Variants in FHIT observed in about 807,000 individuals in gnomAD.
The protein encoded by FHIT is bis(5'-adenosyl)-triphosphatase.
Under a neutral mutation model 17.9 loss-of-function variants are expected in FHIT, and 19 were observed. The observed-to-expected ratio is 1.06, with a 90% confidence interval of 0.74 to 1.56. The LOEUF (loss-of-function observed/expected upper bound fraction) is 1.56, where lower values mean the gene tolerates loss of function less well. FHIT is among the 40% of genes most tolerant of loss of function. The pLI is 0.00. For synonymous variants in FHIT, 81 were observed against 69.7 expected (o/e 1.16, Z -0.81); for missense variants, 248 against 189.2 (o/e 1.31, Z -1.82).
chr3:60,768,164 T>G (rs1699915699), intron 4 of FHIT, among the ~76,000 whole-genome samples: 1 of 152,132 alleles, frequency 6.6e-6, no homozygotes, highest in Admixed American at 6.5e-5. Context: ...TGGGCAAAAC[T>G]TCAAATAATT....
intron 5 of FHIT, among the ~76,000 whole-genome samples, chr3:60,401,550 C>A (rs974711838): frequency 1.3e-5 from 2 of 152,166 alleles, no homozygotes; most frequent in Non-Finnish European, 2.9e-5. Flanking sequence ...TTATGTGGCT[C>A]TGATAACACA....
chr3:60,051,326 C>CTTTT (rs773498624), intron 5 of FHIT, among the ~76,000 whole-genome samples: 15,784 of 131,648 alleles, frequency 0.12, 1,347 homozygotes, highest in Middle Eastern at 0.25. Context: ...ATTTAGGATG[C>CTTTT]TTTTTTTTTT....
At chr3:60,846,191 A>G (rs1447351176) in intron 3 of FHIT, among the ~76,000 whole-genome samples, 2 of 152,214 alleles carry the variant, frequency 1.3e-5, no homozygotes, top group East Asian at 1.9e-4. Context: ...AAGGCAATAC[A>G]TAAAATTTTA....
At chr3:60,813,722 G>A (rs782093241) in intron 4 of FHIT, among the ~76,000 whole-genome samples, 19 of 152,066 alleles carry the variant, frequency 1.2e-4, no homozygotes, top group Non-Finnish European at 2.2e-4. Flanking sequence ...TGAGACAGTC[G>A]TCAAAAAATT....
intron 5 of FHIT, among the ~76,000 whole-genome samples, chr3:60,125,962 C>T (rs1406658603): frequency 6.6e-6 from 1 of 152,102 alleles, no homozygotes; most frequent in African/African-American, 2.4e-5. Context: ...TCTCTTCCTC[C>T]CCTTCTTTCT....
intron 8 of FHIT, among the ~76,000 whole-genome samples, chr3:59,801,206 C>G (rs924148099): frequency 6.6e-6 from 1 of 152,120 alleles, no homozygotes; most frequent in Admixed American, 6.5e-5. Flanking sequence ...ATCCTTATGG[C>G]AATCCCATAA....
At chr3:60,887,511 T>C (rs1705281997) in intron 3 of FHIT, among the ~76,000 whole-genome samples, 1 of 151,952 alleles carries the variant, frequency 6.6e-6, no homozygotes, top group Non-Finnish European at 1.5e-5. Context: ...CCAGGCGTGG[T>C]GGCACACGCC....
At chr3:61,072,358 C>T (rs2034833134) in intron 2 of FHIT, among the ~76,000 whole-genome samples, 1 of 152,190 alleles carries the variant, frequency 6.6e-6, no homozygotes. Flanking sequence ...TAACTTCATT[C>T]CCCTTGCAAG....
intron 5 of FHIT, among the ~76,000 whole-genome samples, chr3:60,451,067 A>G (rs548350632): frequency 3.3e-5 from 5 of 152,324 alleles, no homozygotes; most frequent in Admixed American, 6.5e-5. Flanking sequence ...GGCAATCGCA[A>G]CATTAACATA....
chr3:60,879,725 A>C (rs1006708359), intron 3 of FHIT, among the ~76,000 whole-genome samples: 1 of 151,884 alleles, frequency 6.6e-6, no homozygotes, highest in Non-Finnish European at 1.5e-5. Flanking sequence ...AGATATTATA[A>C]AAAATAATTC....
intron 5 of FHIT, among the ~76,000 whole-genome samples, chr3:60,446,471 C>A (rs1007929381): frequency 1.3e-5 from 2 of 152,158 alleles, no homozygotes; most frequent in African/African-American, 4.8e-5. Flanking sequence ...TTTACACACA[C>A]TCCATAGGTG....
At chr3:60,417,055 C>G (rs907869539) in intron 5 of FHIT, among the ~76,000 whole-genome samples, 1 of 150,096 alleles carries the variant, frequency 6.7e-6, no homozygotes, top group South Asian at 2.1e-4. Context: ...CACCACTGCA[C>G]TCCAGCCTGG....
chr3:59,938,991 C>A (rs1209508490), intron 7 of FHIT, among the ~76,000 whole-genome samples: 2 of 152,102 alleles, frequency 1.3e-5, no homozygotes, highest in Non-Finnish European at 2.9e-5. Flanking sequence ...ACACAGGGAG[C>A]CAGAGAGATT....
At chr3:60,871,223 C>G (rs1275492262) in intron 3 of FHIT, among the ~76,000 whole-genome samples, 3 of 152,046 alleles carry the variant, frequency 2.0e-5, no homozygotes, top group Admixed American at 2.0e-4. Context: ...TACATTAGAA[C>G]CCGTTTTGCA....
chr3:59,813,898 T>G (rs1377969617), intron 8 of FHIT, among the ~76,000 whole-genome samples: 1 of 152,080 alleles, frequency 6.6e-6, no homozygotes, highest in African/African-American at 2.4e-5. Context: ...GGTGGTTTGG[T>G]GATGGTAGCA....
intron 7 of FHIT, among the ~76,000 whole-genome samples, chr3:59,999,805 A>G (rs1435087972): frequency 6.6e-6 from 1 of 152,028 alleles, no homozygotes; most frequent in Non-Finnish European, 1.5e-5. Flanking sequence ...ACAGGGTTTC[A>G]CCATGTTGGA....
At chr3:59,870,623 C>A (rs142224253) in intron 8 of FHIT, among the ~76,000 whole-genome samples, 46 of 152,228 alleles carry the variant, frequency 3.0e-4, no homozygotes, top group African/African-American at 1.1e-3. Context: ...GAAGGAAGAA[C>A]CTGCAAGGTG....
chr3:60,376,044 A>C (rs1485343852), intron 5 of FHIT, among the ~76,000 whole-genome samples: 2 of 152,236 alleles, frequency 1.3e-5, no homozygotes, highest in African/African-American at 4.8e-5. Context: ...AAGCAGAAGA[A>C]GACAGCTCCT....
chr3:60,571,088 G>A (rs1205935277), intron 4 of FHIT, among the ~76,000 whole-genome samples: 1 of 151,996 alleles, frequency 6.6e-6, no homozygotes, highest in African/African-American at 2.4e-5. Flanking sequence ...AGCACTTTGG[G>A]AGGCCGAGGC....
Sources: allele counts gnomAD v4.1 joint callset (sites outside exome capture counted in the v4.1 genomes callset), GRCh38; gene constraint gnomAD v4.1.1; transcripts MANE v1.5; gene names NCBI Gene and HGNC (gene_info 2026-07-23, HGNC 2026-07-21).